Variants in NOL12 observed in about 807,000 individuals in gnomAD.
The protein encoded by NOL12 is nucleolar protein 12.
A neutral mutation model predicts 25.2 loss-of-function variants in NOL12; 21 were observed. The observed-to-expected ratio is 0.83, with a 90% CI of 0.59 to 1.20. The LOEUF (loss-of-function observed/expected upper bound fraction) is 1.20. NOL12 is among the 50% of genes most tolerant of loss of function. The probability of loss-of-function intolerance (pLI) is 0.00; values close to 1 mark genes in which losing one functional copy is unlikely to be tolerated. For missense variants in NOL12, 286 were observed against 287.6 expected, an observed-to-expected ratio of 0.99 and a Z score of 0.04; for synonymous variants, 133 against 113.8, an observed-to-expected ratio of 1.17 and a Z score of -1.08.
chr22:37,688,852 G>A lies in NOL12; in HGVS notation c.241G>A (p.Glu81Lys), dbSNP rs978427507. 6.2e-7 allele frequency: 1 copy of A among 1,613,908 alleles called. No individual in the cohort carries two copies. Among genetic ancestry groups the A allele is most frequent in the African/African-American group, 1.3e-5 (1 of 74,916 alleles). ...MLAEREEALE[E>K]ADELDRLVTA... ...CAGGTCTGTGTCCACCCCCACAGAG[G>A]AGGCAGATGAGCTGGACCGGTTGGT... The change falls in exon 4 of 6, where the codon GAG becomes AAG. Residue 81 changes from glutamate to lysine, a missense_variant and splice_region_variant. Transcript: ENST00000359114.
At chr22:37,690,956 CT>C (rs2066532369) in intron 5 of NOL12, 162 bp downstream of exon 5, 1 of 686,734 alleles carries the variant, frequency 1.5e-6, no homozygotes, top group Non-Finnish European at 2.5e-6. Context: ...CCACCCACCC[CT>C]GATAGTGTCT....
In NOL12 at chr22:37,691,242, G is replaced by A. The variant is rs371438425; in HGVS notation, c.548G>A (p.Arg183Gln). The change falls in exon 6 of 6, where the codon CGG (arginine) becomes CAG (glutamine). Residue 183 changes from arginine (R) to glutamine (Q), a missense_variant. Physicochemically the swap from Arg to Gln is conservative, Grantham distance 43. Transcript: ENST00000359114. ...RKKVKRKHPRRAQDSKKPPRA... is the reference protein window; with the variant it reads ...RKKVKRKHPRQAQDSKKPPRA... The stretch of plus-strand genomic sequence containing the variant: ...AAGGTCAAGAGGAAACATCCCCGAC[G>A]GGCCCAGGACTCCAAAAAGCCCCCA... 21 of 1,613,918 alleles carry A rather than the reference G, an allele frequency of 1.3e-5. No homozygotes were observed. The East Asian group carries it at 1.6e-4, about 12-fold the overall frequency.
chr22:37,691,300 C>G lies in NOL12; in HGVS notation c.606C>G (p.Arg202=). ...RAPRTSKAQR[R]RLTGKARHSG... is the part of the protein sequence containing the mutation. ...CTCGTACCAGCAAGGCCCAGCGCCG[C>G]CGTCTCACAGGCAAAGCACGGCACA... The change falls in exon 6 of 6, where the codon CGC becomes CGG. Residue 202 remains arginine (R), a synonymous_variant. Coordinates refer to ENST00000359114, the MANE Select transcript of NOL12 (RefSeq NM_024313.3). 6.2e-7 allele frequency: 1 copy of G among 1,613,660 alleles called. No individual in the cohort carries two copies. The highest frequency in any genetic ancestry group is 8.5e-7 in the Non-Finnish European group (1 of 1,179,792).
At chr22:37,688,269 TGA>T in intron 2 of NOL12, 41 bp from the exon 3 acceptor site, 1 of 1,606,266 alleles carries the variant, frequency 6.2e-7, no homozygotes, top group East Asian at 2.2e-5. Flanking sequence ...GAGGTTGGAC[TGA>T]GAGGCCATAC....
At chr22:37,688,465 T>G in intron 3 of NOL12, 105 bp downstream of exon 3, 1 of 1,248,006 alleles carries the variant, frequency 8.0e-7, no homozygotes. Flanking sequence ...CTAGGGATCT[T>G]GGGGGGTACC....
chr22:37,688,176 G>A, intron 2 of NOL12, 136 bp from the exon 3 acceptor site: 1 of 1,113,034 alleles, frequency 9.0e-7, no homozygotes, highest in Admixed American at 2.0e-5. Context: ...GGGTCTGGGA[G>A]TGATGGAAGA....
Position 37,692,845 on chromosome 22 carries a change from G to T in NOL12, c.*1509G>T. The T allele has an allele frequency of 2.5e-6, 1 of 397,590 alleles. No homozygotes were observed. The highest frequency in any genetic ancestry group is 4.4e-6 in the Non-Finnish European group (1 of 225,948). The allele number at this position is 397,590 out of a possible 1,614,324, so 24.6% of individuals were successfully genotyped here. On this transcript the variant is annotated 3_prime_UTR_variant, in exon 6 of 6. Transcript: ENST00000359114. Reference sequence around the variant, plus strand: ...ACTGTGCCTCAGTTATGCTGTACCTGGGAGTGGGCAGGCCCTCTCCCATGT... The same window carrying T: ...ACTGTGCCTCAGTTATGCTGTACCTTGGAGTGGGCAGGCCCTCTCCCATGT...
rs761767914 is a variant in NOL12 at position 37,691,256 on chromosome 22, A to C, written c.562A>C (p.Lys188Gln). The part of the protein sequence containing the change: ...RKHPRRAQDS[K>Q]KPPRAPRTSK... ...ACATCCCCGACGGGCCCAGGACTCC[A>C]AAAAGCCCCCAAGGGCCCCTCGTAC... Residue 188 changes from lysine (K) to glutamine (Q), a missense_variant, in exon 6 of 6, where the codon AAA (lysine) becomes CAA (glutamine). Lys to Gln is a moderately conservative substitution (Grantham distance 53). Coordinates refer to ENST00000359114, the MANE Select transcript of NOL12 (RefSeq NM_024313.3). The C allele has an allele frequency of 3.1e-6, 5 of 1,614,012 alleles. No homozygotes were observed. The African/African-American group carries it at 4.0e-5, about 13-fold the overall frequency.
At chr22:37,687,863 C>G in intron 1 of NOL12, 47 bp from the exon 2 acceptor site, 3 of 1,450,010 alleles carry the variant, frequency 2.1e-6, no homozygotes, top group Non-Finnish European at 2.8e-6. Context: ...GAGCCCTTCT[C>G]TCCTTGTATA....
chr22:37,690,556 A>G, intron 4 of NOL12, 141 bp from the exon 5 acceptor site: 1 of 608,224 alleles, frequency 1.6e-6, no homozygotes, highest in South Asian at 2.2e-5. Context: ...TTCTTCCATC[A>G]GAAGCCTTCT....
At position 37,688,424 on chromosome 22, in the gene NOL12, G is replaced by A. The variant is rs1210807446; in HGVS notation, c.238+64G>A. On this transcript the variant is annotated intron_variant, in intron 3 of 5. Coordinates refer to ENST00000359114, the MANE Select transcript of NOL12 (RefSeq NM_024313.3). ...TGGGCCTGGTTTATACCCTTGGTGG[G>A]TGGAAGGGATAGAAGCTGACCTCCT... 6 of 1,555,428 alleles carry A rather than the reference G, an allele frequency of 3.9e-6. No individual in the cohort carries two copies. In the East Asian group the frequency reaches 6.7e-5, roughly 17 times the overall value.
chr22:37,691,281 C>T lies in NOL12; in HGVS notation c.587C>T (p.Thr196Ile). ...DSKKPPRAPR[T>I]SKAQRRRLTG... ...AAAAAGCCCCCAAGGGCCCCTCGTA[C>T]CAGCAAGGCCCAGCGCCGCCGTCTC... The change falls in exon 6 of 6, where the codon ACC becomes ATC. Residue 196 changes from threonine to isoleucine, a missense_variant. By Grantham distance (89) the Thr-to-Ile change is moderately conservative (BLOSUM62 -1). Coordinates refer to ENST00000359114, the MANE Select transcript of NOL12 (RefSeq NM_024313.3). The T allele has an allele frequency of 6.2e-7, 1 of 1,613,978 alleles. No individual in the cohort carries two copies. Among genetic ancestry groups the T allele is most frequent in the Non-Finnish European group, 8.5e-7 (1 of 1,179,964 alleles).
Position 37,692,154 on chromosome 22 carries a change from C to T in NOL12, c.*818C>T, listed in dbSNP as rs921291130. On this transcript the variant is annotated 3_prime_UTR_variant, in exon 6 of 6. Coordinates refer to ENST00000359114, the MANE Select transcript of NOL12 (RefSeq NM_024313.3). ...GGCAGATCACTTAAGGTCGGGAGCT[C>T]GAGACCAGCCTGGCCAACATGGTGA... 2.2e-5 allele frequency: 4 copies of T among 183,960 alleles called. No homozygotes were observed. Among genetic ancestry groups the T allele is most frequent in the East Asian group, 1.3e-4 (1 of 7,714 alleles). The allele number at this position is 183,960 out of a possible 1,614,324, so 11.4% of individuals were successfully genotyped here. A position where few individuals can be genotyped will look rare whatever the true frequency, so the allele number is the denominator to read the frequency against.
Position 37,691,358 on chromosome 22 carries a change from C to T in NOL12, c.*22C>T, listed in dbSNP as rs760701662. 2.5e-6 allele frequency: 4 copies of T among 1,587,452 alleles called. No homozygotes were observed. The East Asian group carries it at 6.8e-5, about 27-fold the overall frequency. Reference sequence around the variant, plus strand: ...GTGAGACCGAGAACGAAGCGGTGCCCCAGTCTAGGCTGCGGGGACCTGTCC... The same window carrying T: ...GTGAGACCGAGAACGAAGCGGTGCCTCAGTCTAGGCTGCGGGGACCTGTCC... On this transcript the variant is annotated 3_prime_UTR_variant, in exon 6 of 6. Transcript: ENST00000359114.
chr22:37,691,456 C>T lies in NOL12; in HGVS notation c.*120C>T. The T allele has an allele frequency of 1.7e-6, 2 of 1,189,606 alleles. No individual in the cohort carries two copies. Among genetic ancestry groups the T allele is most frequent in the South Asian group, 4.0e-5 (2 of 49,832 alleles). 73.7% of individuals were successfully genotyped at this position (1,189,606 alleles called of 1,614,324 possible). A position where few individuals can be genotyped will look rare whatever the true frequency, so the allele number is the denominator to read the frequency against. ...ACTGCACAGCTCAAGGTTGGGAAGCCAGGACCTCTCTGGCCTGGGGCCAGC... is the reference window on the plus strand; with the variant it reads ...ACTGCACAGCTCAAGGTTGGGAAGCTAGGACCTCTCTGGCCTGGGGCCAGC... On this transcript the variant is annotated 3_prime_UTR_variant, in exon 6 of 6. Coordinates refer to ENST00000359114, the MANE Select transcript of NOL12 (RefSeq NM_024313.3).
intron 3 of NOL12, 107 bp from the exon 4 acceptor site, chr22:37,688,743 T>C: frequency 6.0e-6 from 7 of 1,158,736 alleles, no homozygotes; most frequent in Non-Finnish European, 8.9e-6. Flanking sequence ...GTGGATGCGC[T>C]CCACGTCCAC....
Position 37,688,988 on chromosome 22 carries a change from C to T in NOL12, c.377C>T (p.Pro126Leu), listed in dbSNP as rs750555126. ...GCCCGGCTGCTCGGGCTGACCCCAC[C>T]TGAGGTGGGTCCCAGTCTCAGCCCT... ...SGARLLGLTP[P>L]EGGAGDRSEE... Residue 126 changes from proline (P) to leucine (L), a missense_variant, in exon 4 of 6, where the codon CCT (proline) becomes CTT (leucine). By Grantham distance (98) the Pro-to-Leu change is moderately conservative. Transcript: ENST00000359114. The T allele has an allele frequency of 3.7e-6, 6 of 1,611,696 alleles. No homozygotes were observed. Among genetic ancestry groups the T allele is most frequent in the Non-Finnish European group, 5.1e-6 (6 of 1,179,960 alleles).
intron 4 of NOL12, among the ~76,000 whole-genome samples, chr22:37,690,425 C>T (rs1922015344): frequency 6.6e-6 from 1 of 152,182 alleles, no homozygotes; most frequent in Non-Finnish European, 1.5e-5. Context: ...CAAGTCTTGT[C>T]CCCGTTTTGC....
In NOL12 at chr22:37,691,241, CG is replaced by C; in HGVS notation, c.550del (p.Ala184ProfsTer60). The C allele has an allele frequency of 6.2e-7, 1 of 1,614,092 alleles. No individual in the cohort carries two copies. The highest frequency in any genetic ancestry group is 1.1e-5 in the South Asian group (1 of 91,074). On this transcript the variant is annotated frameshift_variant, in exon 6 of 6. Coordinates refer to ENST00000359114, the MANE Select transcript of NOL12 (RefSeq NM_024313.3). LOFTEE classifies it high-confidence loss of function. ...RKKVKRKHPRRAQDSKKPPRA... is the reference protein window; with the variant it reads ...RKKVKRKHPRXAQDSKKPPRA... Reference sequence around the variant, plus strand: ...AAAGGTCAAGAGGAAACATCCCCGACGGGCCCAGGACTCCAAAAAGCCCCCA... The same window carrying C: ...AAAGGTCAAGAGGAAACATCCCCGACGGCCCAGGACTCCAAAAAGCCCCCA...
Sources: gnomAD v4.1 joint callset for allele counts (sites outside exome capture counted in the v4.1 genomes callset) on GRCh38, gnomAD v4.1.1 for gene constraint, MANE v1.5 for transcripts, NCBI Gene and HGNC (gene_info 2026-07-23, HGNC 2026-07-21) for gene names.